KSR2: variants seen among roughly 807,000 people sequenced by gnomAD.
KSR2 encodes the protein kinase suppressor of ras 2.
In KSR2, 25 loss-of-function variants were observed where a neutral mutation model predicts 107.8. The observed-to-expected ratio is 0.23, with a 90% confidence interval of 0.17 to 0.32. The LOEUF (loss-of-function observed/expected upper bound fraction) is 0.32. Ranked by LOEUF, KSR2 falls within the 10% of genes least tolerant of loss-of-function variation. The pLI is 1.00. For missense variants in KSR2, 887 were observed against 1,268.9 expected (o/e 0.70, Z 4.57); for synonymous variants, 480 against 507.0 (o/e 0.95, Z 0.71).
At chr12:117,860,461 A>C (rs377586531) in intron 1 of KSR2, 30 bp from the exon 2 acceptor site, 61 of 1,575,582 alleles carry the variant, frequency 3.9e-5, no homozygotes, top group Non-Finnish European at 5.2e-5. Flanking sequence ...GACAGAGGAC[A>C]CATCTCAGAG....
chr12:117,650,457 C>T (rs917002276), intron 5 of KSR2, among the ~76,000 whole-genome samples: 2 of 152,004 alleles, frequency 1.3e-5, no homozygotes, highest in African/African-American at 4.8e-5. Flanking sequence ...GATTTTGGTA[C>T]CAGGAGTGGT....
intron 5 of KSR2, among the ~76,000 whole-genome samples, chr12:117,612,388 G>A (rs1881654080): frequency 6.7e-6 from 1 of 149,034 alleles, no homozygotes; most frequent in African/African-American, 2.5e-5. Context: ...TGGCGACAGA[G>A]CAAGTCTCCG....
intron 1 of KSR2, among the ~76,000 whole-genome samples, chr12:117,934,035 T>A (rs1895770648): frequency 1.3e-5 from 2 of 152,226 alleles, no homozygotes; most frequent in African/African-American, 4.8e-5. Context: ...CCACTCTGAA[T>A]ATCCAGACAT....
At chr12:117,593,410 C>T (rs768621992) in intron 5 of KSR2, among the ~76,000 whole-genome samples, 4 of 152,188 alleles carry the variant, frequency 2.6e-5, no homozygotes, top group African/African-American at 4.8e-5. Flanking sequence ...ATGGGAGACA[C>T]GCAGACCACA....
At chr12:117,683,400 GT>G (rs1348428481) in intron 4 of KSR2, among the ~76,000 whole-genome samples, 1 of 151,988 alleles carries the variant, frequency 6.6e-6, no homozygotes, top group Non-Finnish European at 1.5e-5. Context: ...TTGGATTTTT[GT>G]TTCCTAAATG....
At chr12:117,646,493 A>C (rs1317766775) in intron 5 of KSR2, among the ~76,000 whole-genome samples, 1 of 152,204 alleles carries the variant, frequency 6.6e-6, no homozygotes, top group Non-Finnish European at 1.5e-5. Context: ...CCTCCCAGAA[A>C]GAGCTACTGC....
intron 1 of KSR2, among the ~76,000 whole-genome samples, chr12:117,865,071 TAAA>T (rs1419645387): frequency 6.6e-6 from 1 of 151,318 alleles, no homozygotes; most frequent in African/African-American, 2.4e-5. Context: ...CAAAAAATAA[TAAA>T]AATAATTAAT....
At chr12:117,712,878 C>T (rs537572122) in intron 4 of KSR2, among the ~76,000 whole-genome samples, 14 of 151,888 alleles carry the variant, frequency 9.2e-5, no homozygotes, top group Non-Finnish European at 1.3e-4. Flanking sequence ...GATGATAGAT[C>T]GCTATAGATA....
intron 3 of KSR2, among the ~76,000 whole-genome samples, chr12:117,841,909 G>A (rs1473473263): frequency 6.6e-6 from 1 of 152,254 alleles, no homozygotes; most frequent in Non-Finnish European, 1.5e-5. Context: ...ACTTGGCCCA[G>A]TAAGAACTCA....
Position 117,462,555 on chromosome 12 carries a change from A to G in KSR2, c.*4644T>C, listed in dbSNP as rs11068502. 0.24 allele frequency: 35,942 copies of G among 152,190 alleles called. 5,257 individuals are homozygous for G. Among genetic ancestry groups the G allele is most frequent in the Non-Finnish European group, 0.33 (22,771 of 67,990 alleles). The allele number at this position is 152,190 out of a possible 1,614,324, so 9.4% of individuals were successfully genotyped here. ...GATTCCCTTACAGATTTCAGGGGGA[A>G]CATGGCCCTGCTAACACTTTGATTT... is the stretch of plus-strand genomic sequence containing the variant. On this transcript the variant is annotated 3_prime_UTR_variant, in exon 20 of 20. Transcript: ENST00000339824.
chr12:117,647,072 A>C (rs1468818661), intron 5 of KSR2, among the ~76,000 whole-genome samples: 1 of 152,128 alleles, frequency 6.6e-6, no homozygotes, highest in Non-Finnish European at 1.5e-5. Flanking sequence ...AGAGAGGAAG[A>C]CAGGGCTCAA....
chr12:117,825,332 G>A (rs1382085929), intron 3 of KSR2, among the ~76,000 whole-genome samples: 1 of 152,190 alleles, frequency 6.6e-6, no homozygotes, highest in African/African-American at 2.4e-5. Context: ...CGGATGGATG[G>A]ATGGAGGGAT....
intron 4 of KSR2, among the ~76,000 whole-genome samples, chr12:117,696,114 A>G (rs1194260382): frequency 2.6e-5 from 4 of 152,176 alleles, no homozygotes; most frequent in Non-Finnish European, 5.9e-5. Context: ...CCCAAGTACC[A>G]AAAGTAAATG....
At chr12:117,841,040 T>C (rs1305326772) in intron 3 of KSR2, among the ~76,000 whole-genome samples, 1 of 151,622 alleles carries the variant, frequency 6.6e-6, no homozygotes, top group African/African-American at 2.4e-5. Context: ...CCAATGTGGA[T>C]GCAAATTATG....
intron 3 of KSR2, among the ~76,000 whole-genome samples, chr12:117,820,370 C>G (rs1891523233): frequency 6.6e-6 from 1 of 152,162 alleles, no homozygotes; most frequent in Admixed American, 6.5e-5. Context: ...TTCTGTTTTC[C>G]TCTAAGTAGA....
At chr12:117,713,794 G>A (rs1211421544) in intron 4 of KSR2, among the ~76,000 whole-genome samples, 1 of 151,482 alleles carries the variant, frequency 6.6e-6, no homozygotes, top group African/African-American at 2.5e-5. Context: ...TGAGAGGTGA[G>A]GTGGACCCGC....
intron 14 of KSR2, among the ~76,000 whole-genome samples, chr12:117,523,173 C>A (rs1874874666): frequency 6.6e-6 from 1 of 152,180 alleles, no homozygotes; most frequent in Non-Finnish European, 1.5e-5. Flanking sequence ...TATAATGTAC[C>A]TTCTACCAAT....
At chr12:117,832,067 C>A (rs1409266608) in intron 3 of KSR2, among the ~76,000 whole-genome samples, 1 of 152,104 alleles carries the variant, frequency 6.6e-6, no homozygotes, top group African/African-American at 2.4e-5. Flanking sequence ...GGCAGATTAC[C>A]TGAGGTCAGG....
At chr12:117,647,653 G>A (rs1197791993) in intron 5 of KSR2, among the ~76,000 whole-genome samples, 1 of 152,172 alleles carries the variant, frequency 6.6e-6, no homozygotes, top group African/African-American at 2.4e-5. Flanking sequence ...TGGCATGTTA[G>A]TGATGCTGGA....
Sources: allele counts gnomAD v4.1 joint callset (sites outside exome capture counted in the v4.1 genomes callset), GRCh38; gene constraint gnomAD v4.1.1; transcripts MANE v1.5; gene names NCBI Gene and HGNC (gene_info 2026-07-23, HGNC 2026-07-21).